POLR2B: variants seen among roughly 807,000 people sequenced by gnomAD.
The protein encoded by POLR2B is RNA polymerase II subunit B.
Under a neutral mutation model 144.6 loss-of-function variants are expected in POLR2B, and 57 were observed. The ratio of observed to expected loss-of-function variants is 0.39; its 90% CI spans 0.32 to 0.49. POLR2B has a LOEUF of 0.49. Among genes scored for constraint, POLR2B ranks in the 20% least tolerant of loss-of-function variants. The pLI is 0.83. For missense variants in POLR2B, 595 were observed against 1,467.4 expected, an observed-to-expected ratio of 0.41 and a Z score of 9.71; for synonymous variants, 442 against 469.8, an observed-to-expected ratio of 0.94 and a Z score of 0.77.
intron 6 of POLR2B, among the ~76,000 whole-genome samples, chr4:56,996,965 G>A (rs10034395): frequency 0.076 from 11,621 of 152,144 alleles, 507 homozygotes; most frequent in African/African-American, 0.093. Context: ...TGGATGTGGT[G>A]GCAGGCACCT....
At chr4:57,028,737 C>T (rs1324554935) in intron 23 of POLR2B, among the ~76,000 whole-genome samples, 4 of 152,112 alleles carry the variant, frequency 2.6e-5, no homozygotes, top group African/African-American at 7.2e-5. Context: ...GACTCTCAGG[C>T]GGTCCATGAA....
rs116488945 is a variant in POLR2B, at chr4:57,000,173, C to T, written c.900+392C>T. ...CAAAAAGGCCAGTCATGGTGATTCA[C>T]GCCTATAATCTCAGCACTTTGGGAG... On this transcript the variant is annotated intron_variant, in intron 7 of 24. Coordinates refer to ENST00000314595, the MANE Select transcript of POLR2B (RefSeq NM_000938.3). 3.9e-3 allele frequency among the ~76,000 whole-genome samples: 594 copies of T among 152,340 alleles called. 6 individuals are homozygous for T. The highest frequency in any genetic ancestry group is 0.014 in the African/African-American group (576 of 41,582).
intron 9 of POLR2B, among the ~76,000 whole-genome samples, chr4:57,006,450 G>A (rs1718888): frequency 0.19 from 29,064 of 152,110 alleles, 3,332 homozygotes; most frequent in Non-Finnish European, 0.26. Context: ...GACTACAGGC[G>A]TGTGCCATCA....
Position 57,023,886 on chromosome 4 carries a change from T to C in POLR2B, c.2857-119T>C. ...TTGATTTTATTGTTGAATAAGTATATGAACATACCATGTTTAAACAGAATT... is the reference window on the plus strand; with the variant it reads ...TTGATTTTATTGTTGAATAAGTATACGAACATACCATGTTTAAACAGAATT... On this transcript the variant is annotated intron_variant, in intron 20 of 24. Transcript: ENST00000314595. The surrounding 1 kb of genome is among the most constrained non-coding windows in gnomAD (Gnocchi z 4.3). The C allele has an allele frequency of 1.3e-6, 1 of 793,634 alleles. No homozygotes were observed. Among genetic ancestry groups the C allele is most frequent in the Non-Finnish European group, 2.1e-6 (1 of 486,328 alleles). 49.2% of individuals were successfully genotyped at this position (793,634 alleles called of 1,614,324 possible).
In POLR2B at chr4:56,999,664, A is replaced by G. The variant is rs1722797040; in HGVS notation, c.783A>G (p.Pro261=). The G allele has an allele frequency of 2.5e-6, 4 of 1,612,754 alleles. No individual in the cohort carries two copies. The highest frequency in any genetic ancestry group is 3.4e-6 in the Non-Finnish European group (4 of 1,178,790). ...AIGQRIVATL[P]YIKQEVPIII... is the part of the protein sequence containing the mutation. Reference sequence around the variant, plus strand: ...GTCAGCGCATTGTGGCAACTCTACCATATATCAAGCAAGAAGTTCCCATCA... The same window carrying G: ...GTCAGCGCATTGTGGCAACTCTACCGTATATCAAGCAAGAAGTTCCCATCA... Residue 261 remains proline, a synonymous_variant, in exon 7 of 25, where the codon CCA becomes CCG. Transcript: ENST00000314595.
At chr4:57,014,761 C>G (rs1479612713) in intron 13 of POLR2B, among the ~76,000 whole-genome samples, 1 of 132,446 alleles carries the variant, frequency 7.6e-6, no homozygotes, top group Non-Finnish European at 1.6e-5. Flanking sequence ...ACCTCGGCCT[C>G]CCAGAGTGCG....
intron 23 of POLR2B, among the ~76,000 whole-genome samples, chr4:57,026,725 C>T (rs1464441495): frequency 6.6e-6 from 1 of 151,048 alleles, no homozygotes; most frequent in Admixed American, 6.6e-5. Flanking sequence ...CGTGCCACTG[C>T]ACTCCAGCCT....
intron 6 of POLR2B, among the ~76,000 whole-genome samples, chr4:56,997,368 G>A (rs548746308): frequency 5.9e-5 from 9 of 151,762 alleles, no homozygotes; most frequent in Non-Finnish European, 1.2e-4. Context: ...AGCGATTCTC[G>A]TACTTCAGCC....
intron 17 of POLR2B, 64 bp from the exon 18 acceptor site, chr4:57,022,088 G>C (rs914738412): frequency 1.3e-5 from 11 of 858,624 alleles, no homozygotes; most frequent in Non-Finnish European, 2.1e-5. Flanking sequence ...AGAAATTGTT[G>C]GTATAGTCTC....
chr4:57,003,211 C>G (rs182507479), intron 7 of POLR2B, among the ~76,000 whole-genome samples: 1 of 152,056 alleles, frequency 6.6e-6, no homozygotes, highest in East Asian at 1.9e-4. Flanking sequence ...GCGGGCAGAT[C>G]ACGAGGTCAG....
rs762727747 is a variant in POLR2B at position 57,005,561 on chromosome 4, GT to G, written c.1098-35del. The G allele has an allele frequency of 3.3e-6, 5 of 1,528,786 alleles. No individual in the cohort carries two copies. In the African/African-American group the frequency reaches 4.4e-5, roughly 13 times the overall value. 94.7% of individuals were successfully genotyped at this position (1,528,786 alleles called of 1,614,324 possible). ...ATCAAAAAAAAGTCCAAAACTAAGT[GT>G]TTTCCCTCTTTCTTTCTTTCTTTTT... On this transcript the variant is annotated intron_variant, in intron 8 of 24. Coordinates refer to ENST00000314595, the MANE Select transcript of POLR2B (RefSeq NM_000938.3).
intron 23 of POLR2B, among the ~76,000 whole-genome samples, chr4:57,029,070 T>TTTTG (rs538843269): frequency 2.6e-5 from 4 of 152,218 alleles, no homozygotes; most frequent in Non-Finnish European, 5.9e-5. Flanking sequence ...CATTGCTGTT[T>TTTTG]TTTGTTTGTT....
intron 3 of POLR2B, among the ~76,000 whole-genome samples, chr4:56,992,492 A>AAAAAAAAAAAAAAAAAAG (rs760090936): frequency 1.1e-5 from 1 of 88,508 alleles, no homozygotes; most frequent in Non-Finnish European, 2.1e-5. Flanking sequence ...AAAAAAAAAA[A>AAAAAAAAAAAAAAAAAAG]GAAAAGAAAA....
rs1271858193 is a variant in POLR2B, at chr4:56,996,305, G to A, written c.735+896G>A. Among the ~76,000 whole-genome samples the A allele has an allele frequency of 4.8e-4, 53 of 110,044 alleles. 1 individual carries two copies. Among genetic ancestry groups the A allele is most frequent in the African/African-American group, 2.4e-4 (7 of 29,690 alleles). 72.2% of individuals were successfully genotyped at this position (110,044 alleles called of 152,430 possible). ...TTTTTTTTTTTTTTTTTTTTGAGAC[G>A]GAGTCTTGCCCTGTCACCAGGCTGC... On this transcript the variant is annotated intron_variant, in intron 6 of 24. Transcript: ENST00000314595.
At chr4:57,005,138 T>C (rs949457037) in intron 7 of POLR2B, 108 bp from the exon 8 acceptor site, 1 of 538,710 alleles carries the variant, frequency 1.9e-6, no homozygotes, top group Non-Finnish European at 3.1e-6. Flanking sequence ...TCACATATTT[T>C]ATTATGTTCA....
chr4:57,004,110 T>C (rs1179587413), intron 7 of POLR2B, among the ~76,000 whole-genome samples: 2 of 128,772 alleles, frequency 1.6e-5, no homozygotes, highest in Non-Finnish European at 3.1e-5. Context: ...CACTGCAACC[T>C]CCACCTCCCA....
chr4:57,026,267 C>CG (rs961947629), intron 23 of POLR2B, among the ~76,000 whole-genome samples: 21 of 151,830 alleles, frequency 1.4e-4, no homozygotes, highest in Admixed American at 1.2e-3. Context: ...TTTGTAGAGA[C>CG]GGGGGTCTCA....
chr4:57,030,310 G>C lies in POLR2B; in HGVS notation c.3346G>C (p.Val1116Leu). The C allele has an allele frequency of 6.2e-7, 1 of 1,614,074 alleles. No individual in the cohort carries two copies. The highest frequency in any genetic ancestry group is 8.5e-7 in the Non-Finnish European group (1 of 1,179,926). The change falls in exon 24 of 25, where the codon GTT becomes CTT. Residue 1116 changes from valine to leucine, a missense_variant. Coordinates refer to ENST00000314595, the MANE Select transcript of POLR2B (RefSeq NM_000938.3). ...RLFEASDPYQ[V>L]HVCNLCGIMA... is the part of the protein sequence containing the mutation. ...GTTTGAGGCATCAGATCCATATCAG[G>C]TTCATGTTTGCAATCTTTGTGGAAT...
At chr4:56,988,343 C>T (rs1437173988) in intron 2 of POLR2B, among the ~76,000 whole-genome samples, 3 of 151,992 alleles carry the variant, frequency 2.0e-5, no homozygotes, top group African/African-American at 7.2e-5. Flanking sequence ...GAAAGGGCCC[C>T]TGGCCACAGG....
Sources: gnomAD v4.1 joint callset for allele counts (sites outside exome capture counted in the v4.1 genomes callset) on GRCh38, gnomAD v4.1.1 for gene constraint, Gnocchi (gnomAD v3.1) non-coding constraint, MANE v1.5 for transcripts, NCBI Gene and HGNC (gene_info 2026-07-23, HGNC 2026-07-21) for gene names.